THNSL1: variants seen among roughly 807,000 people sequenced by gnomAD.
THNSL1 encodes threonine synthase like 1.
THNSL1 carries 48 observed loss-of-function variants against 50.4 expected under a neutral mutation model. That is an observed-to-expected ratio of 0.95 (90% confidence interval 0.76 to 1.21). The LOEUF (loss-of-function observed/expected upper bound fraction) is 1.21. Ranked by LOEUF, THNSL1 falls within the 50% of genes most tolerant of loss-of-function variation. THNSL1 has a pLI of 0.00. For missense variants in THNSL1, 896 were observed against 871.7 expected, an observed-to-expected ratio of 1.03 and a Z score of -0.35; for synonymous variants, 309 against 306.1, an observed-to-expected ratio of 1.01 and a Z score of -0.10.
the THNSL1 span, among the ~76,000 whole-genome samples, chr10:24,972,610 T>A: frequency 6.6e-6 from 1 of 151,866 alleles, no homozygotes. Context: ...CTGAGCAGAG[T>A]GGCAGAATTT....
At chr10:24,969,769 T>A in the THNSL1 span, among the ~76,000 whole-genome samples, 1 of 152,240 alleles carries the variant, frequency 6.6e-6, no homozygotes, top group Non-Finnish European at 1.5e-5. Flanking sequence ...TAACATTCCC[T>A]AAGGAAGTCT....
chr10:24,966,271 A>G, the THNSL1 span, among the ~76,000 whole-genome samples: 6 of 152,356 alleles, frequency 3.9e-5, no homozygotes, highest in Non-Finnish European at 4.4e-5. Flanking sequence ...AAGAAGAAAA[A>G]ATGAAATGTG....
upstream of THNSL1, among the ~76,000 whole-genome samples, chr10:25,012,212 A>T (rs2132722499): frequency 6.6e-6 from 1 of 151,306 alleles, no homozygotes; most frequent in Admixed American, 6.5e-5. Context: ...CTGGATGTCT[A>T]GGCAAAGATG....
At chr10:25,013,607 AAG>A (rs768549734), upstream of THNSL1, among the ~76,000 whole-genome samples, 2 of 152,228 alleles carry the variant, frequency 1.3e-5, no homozygotes, top group South Asian at 2.1e-4. Context: ...ACAAAATGGA[AAG>A]AGGGGATGAC....
chr10:24,988,083 G>A, the THNSL1 span, among the ~76,000 whole-genome samples: 4 of 151,602 alleles, frequency 2.6e-5, no homozygotes, highest in Admixed American at 6.6e-5. Context: ...AATTAGGTGG[G>A]CGTGGTGGTG....
chr10:25,022,274 A>G (rs1850736400), intron 2 of THNSL1, among the ~76,000 whole-genome samples: 1 of 152,174 alleles, frequency 6.6e-6, no homozygotes, highest in South Asian at 2.1e-4. Context: ...GGATGCCAGA[A>G]TAATTGTTGT....
chr10:24,963,052 G>A, the THNSL1 span, among the ~76,000 whole-genome samples: 2 of 152,160 alleles, frequency 1.3e-5, no homozygotes, highest in Non-Finnish European at 2.9e-5. Flanking sequence ...CAAGATTGAT[G>A]TCACTGGCTT....
intron 1 of THNSL1, among the ~76,000 whole-genome samples, chr10:25,017,222 G>A (rs912897078): frequency 6.6e-6 from 1 of 152,184 alleles, no homozygotes; most frequent in African/African-American, 2.4e-5. Context: ...GGTGTCCCTT[G>A]TTGGAAAATT....
chr10:25,007,268 T>C, the THNSL1 span, among the ~76,000 whole-genome samples: 1 of 152,310 alleles, frequency 6.6e-6, no homozygotes, highest in Non-Finnish European at 1.5e-5. Flanking sequence ...AGTCTAACGT[T>C]CACAAAAGCT....
chr10:24,961,398 G>A, the THNSL1 span, among the ~76,000 whole-genome samples: 1 of 152,128 alleles, frequency 6.6e-6, no homozygotes, highest in Non-Finnish European at 1.5e-5. Context: ...AAATGTGTTT[G>A]TAATAAACCA....
At chr10:25,004,483 G>A in the THNSL1 span, among the ~76,000 whole-genome samples, 3 of 152,234 alleles carry the variant, frequency 2.0e-5, no homozygotes, top group East Asian at 5.8e-4. Context: ...GTATCTCATT[G>A]TAGTTTTGAT....
chr10:25,025,195 T>G lies in THNSL1; in HGVS notation c.1972T>G (p.Cys658Gly), dbSNP rs1850823491. 1.2e-6 allele frequency: 2 copies of G among 1,614,194 alleles called. No homozygotes were observed. Among genetic ancestry groups the G allele is most frequent in the Non-Finnish European group, 1.7e-6 (2 of 1,180,034 alleles). The change falls in exon 3 of 3, where the codon TGC becomes GGC. Residue 658 changes from cysteine to glycine, a missense_variant. Transcript: ENST00000376356. ...VVADRVQDKT[C>G]PVIISSTAHY... ...TGCAGATAGGGTGCAAGACAAAACT[T>G]GCCCTGTGATTATCTCATCTACAGC...
At chr10:25,022,860 A>G (rs1397254247) in intron 2 of THNSL1, among the ~76,000 whole-genome samples, 3 of 152,214 alleles carry the variant, frequency 2.0e-5, no homozygotes, top group African/African-American at 7.2e-5. Flanking sequence ...GATTTAGTGT[A>G]TATATACTTT....
At chr10:24,975,384 A>G in the THNSL1 span, among the ~76,000 whole-genome samples, 16 of 152,264 alleles carry the variant, frequency 1.1e-4, no homozygotes, top group African/African-American at 3.6e-4. Flanking sequence ...CTTTGTCTTG[A>G]TTAACTCTAG....
At chr10:25,023,150 TTTTG>T in intron 2 of THNSL1, 22 bp from the exon 3 acceptor site, 2 of 1,438,862 alleles carry the variant, frequency 1.4e-6, no homozygotes, top group East Asian at 4.6e-5. Context: ...TTTTGTTGTT[TTTTG>T]TTTGTTTTGT....
the THNSL1 span, among the ~76,000 whole-genome samples, chr10:24,963,946 A>G: frequency 7.2e-5 from 11 of 152,284 alleles, no homozygotes; most frequent in East Asian, 9.6e-4. Flanking sequence ...TTTTGCCAAC[A>G]GAAGTACCCA....
the THNSL1 span, among the ~76,000 whole-genome samples, chr10:25,000,661 T>C: frequency 6.6e-6 from 1 of 152,110 alleles, no homozygotes; most frequent in Non-Finnish European, 1.5e-5. Flanking sequence ...ATAGTATATG[T>C]TTTTCCATTC....
the THNSL1 span, among the ~76,000 whole-genome samples, chr10:24,996,480 T>C: frequency 6.6e-6 from 1 of 150,460 alleles, no homozygotes; most frequent in African/African-American, 2.5e-5. Context: ...ATGAACAGTA[T>C]ATAAATACAA....
the THNSL1 span, chr10:24,990,609 C>A: frequency 1.9e-6 from 3 of 1,591,972 alleles, no homozygotes; most frequent in Non-Finnish European, 2.6e-6. Context: ...ACACCATAAT[C>A]CTAAAAAGAT....
Sources: gnomAD v4.1 joint callset for allele counts (sites outside exome capture counted in the v4.1 genomes callset) on GRCh38, gnomAD v4.1.1 for gene constraint, MANE v1.5 for transcripts, NCBI Gene and HGNC (gene_info 2026-07-23, HGNC 2026-07-21) for gene names.